BCOR: variants seen among roughly 807,000 people sequenced by gnomAD.
The protein encoded by BCOR is BCL-6 corepressor.
In BCOR, 10 loss-of-function variants were observed where a neutral mutation model predicts 86.7. The ratio of observed to expected loss-of-function variants is 0.12; its 90% CI spans 0.07 to 0.20. The LOEUF (loss-of-function observed/expected upper bound fraction) is 0.20, where lower values mean the gene tolerates loss of function less well. Among genes scored for constraint, BCOR ranks in the 10% least tolerant of loss-of-function variants. The pLI is 1.00. For missense variants in BCOR, 1,259 were observed against 1,452.1 expected (o/e 0.87, Z 2.16); for synonymous variants, 611 against 609.0 (o/e 1.00, Z -0.05).
intron 1 of BCOR, among the ~76,000 whole-genome samples, chrX:40,161,444 C>T (rs769232487): frequency 6.5e-5 from 7 of 107,960 alleles, no homozygotes; most frequent in East Asian, 5.8e-4. Flanking sequence ...GTGATCCGCC[C>T]GCCTCGGCCT....
intron 1 of BCOR, among the ~76,000 whole-genome samples, chrX:40,139,497 ATT>A (rs750808544): frequency 5.3e-4 from 3 of 5,709 alleles, no homozygotes; most frequent in Non-Finnish European, 3.1e-4. Flanking sequence ...ATATATATAT[ATT>A]TTTTTTTTTT....
At chrX:40,133,668 G>T (rs1342336969) in intron 1 of BCOR, among the ~76,000 whole-genome samples, 1 of 107,920 alleles carries the variant, frequency 9.3e-6, no homozygotes, top group Non-Finnish European at 1.9e-5. Context: ...CACTGTACTA[G>T]CCAGGATGGT....
chrX:40,078,986 TC>T (rs1266011767), intron 1 of BCOR, among the ~76,000 whole-genome samples: 2 of 112,004 alleles, frequency 1.8e-5, no homozygotes, highest in Non-Finnish European at 3.8e-5. Flanking sequence ...TTGAGCCGTT[TC>T]TTTTGACTGC....
At chrX:40,125,931 G>A (rs887555373) in intron 1 of BCOR, among the ~76,000 whole-genome samples, 1 of 111,318 alleles carries the variant, frequency 9.0e-6, no homozygotes, top group Non-Finnish European at 1.9e-5. Flanking sequence ...CTGGGAGTCG[G>A]CCAGGCGCGG....
chrX:40,165,903 G>A (rs1022312496), intron 1 of BCOR, among the ~76,000 whole-genome samples: 1 of 111,531 alleles, frequency 9.0e-6, no homozygotes, highest in Non-Finnish European at 1.9e-5. Context: ...TCTGCCTCCC[G>A]AGTAGCTAGG....
intron 1 of BCOR, among the ~76,000 whole-genome samples, chrX:40,087,686 T>C (rs754329251): frequency 3.6e-5 from 4 of 111,838 alleles, no homozygotes; most frequent in Non-Finnish European, 7.5e-5. Context: ...ACCCATCTGA[T>C]GAGATTTCTC....
In BCOR at chrX:40,064,509, T is replaced by A. The variant is rs1196307509; in HGVS notation, c.3329A>T (p.Gln1110Leu). 1 of 1,212,320 alleles carries A rather than the reference T, an allele frequency of 8.2e-7. No homozygotes were observed. Among genetic ancestry groups the A allele is most frequent in the South Asian group, 1.8e-5 (1 of 57,029 alleles). ...GTCTGCGGGAGGCTCGCTCACAGGC[T>A]GCCTCTCCACAAAGTACTTCTCCAC... is the stretch of plus-strand genomic sequence containing the variant. ...LPVEKYFVERQPVSEPPADQV... is the reference protein window; with the variant it reads ...LPVEKYFVERLPVSEPPADQV... Residue 1110 changes from glutamine to leucine, a missense_variant, in exon 7 of 15, where the codon CAG becomes CTG. Gln to Leu is a moderately radical substitution (Grantham distance 113). This residue lies in a region of BCOR where 305 missense variants were observed against 286.1 expected (regional missense o/e 1.07). Coordinates refer to ENST00000378444, the MANE Select transcript of BCOR (RefSeq NM_001123385.2).
intron 1 of BCOR, among the ~76,000 whole-genome samples, chrX:40,132,673 G>A (rs1204590782): frequency 1.8e-5 from 2 of 112,385 alleles, no homozygotes; most frequent in Non-Finnish European, 3.8e-5. Context: ...AAACTGAGGT[G>A]CAGAGGGGCT....
intron 11 of BCOR, among the ~76,000 whole-genome samples, chrX:40,056,492 T>C (rs1180615825): frequency 9.9e-5 from 11 of 111,044 alleles, no homozygotes; most frequent in Non-Finnish European, 1.9e-4. Context: ...CCTGTGTCCA[T>C]GGAGCTGGGG....
intron 8 of BCOR, 53 bp downstream of exon 8, chrX:40,063,555 A>G (rs1197544433): frequency 9.6e-7 from 1 of 1,038,935 alleles, no homozygotes; most frequent in African/African-American, 1.9e-5. Flanking sequence ...CAGAGAGTGG[A>G]TGACCCACCC....
chrX:40,110,526 G>T (rs1937282153), intron 1 of BCOR, among the ~76,000 whole-genome samples: 2 of 108,945 alleles, frequency 1.8e-5, no homozygotes, highest in South Asian at 7.9e-4. Flanking sequence ...CTAGCTTCCT[G>T]TCTTATCAGG....
intron 4 of BCOR, 47 bp downstream of exon 4, chrX:40,072,302 A>G (rs750776934): frequency 8.6e-7 from 1 of 1,166,626 alleles, no homozygotes; most frequent in South Asian, 1.9e-5. Context: ...ACACATTAAA[A>G]AACTGACAAC....
intron 1 of BCOR, among the ~76,000 whole-genome samples, chrX:40,120,642 C>T (rs767990226): frequency 8.9e-6 from 1 of 111,803 alleles, no homozygotes; most frequent in South Asian, 3.7e-4. Flanking sequence ...CAACCACACC[C>T]GCAAATAACC....
chrX:40,083,014 G>A (rs1426741585), intron 1 of BCOR, among the ~76,000 whole-genome samples: 2 of 109,333 alleles, frequency 1.8e-5, no homozygotes, highest in Admixed American at 9.6e-5. Flanking sequence ...AGCCCTTCCT[G>A]GGGTTGCTCC....
At chrX:40,100,711 A>C (rs1278454254), upstream of BCOR, among the ~76,000 whole-genome samples, 2 of 109,636 alleles carry the variant, frequency 1.8e-5, no homozygotes, top group African/African-American at 6.6e-5. Context: ...AAAAAAAAAA[A>C]AGAAAAGAAA....
At chrX:40,118,709 C>A (rs1252542052) in intron 1 of BCOR, among the ~76,000 whole-genome samples, 1 of 112,427 alleles carries the variant, frequency 8.9e-6, no homozygotes, top group East Asian at 2.8e-4. Flanking sequence ...CCAATGCTGT[C>A]CTCTGCCCCA....
rs371897880 is a variant in BCOR, at chrX:40,064,507, G to A, written c.3331C>T (p.Pro1111Ser). Residue 1111 changes from proline (P) to serine (S), a missense_variant, in exon 7 of 15, where the codon CCT (proline) becomes TCT (serine). Around this residue, in one of 7 missense-constraint regions of BCOR, gnomAD observed 305 missense variants for 286.1 expected, o/e 1.07. Transcript: ENST00000378444. ...PVEKYFVERQ[P>S]VSEPPADQVA... ...TGGTCTGCGGGAGGCTCGCTCACAGGCTGCCTCTCCACAAAGTACTTCTCC... is the reference window on the plus strand; with the variant it reads ...TGGTCTGCGGGAGGCTCGCTCACAGACTGCCTCTCCACAAAGTACTTCTCC... The A allele has an allele frequency of 1.0e-4, 124 of 1,210,903 alleles. No homozygotes were observed. Among genetic ancestry groups the A allele is most frequent in the Middle Eastern group, 2.3e-4 (1 of 4,373 alleles).
intron 1 of BCOR, among the ~76,000 whole-genome samples, chrX:40,124,243 G>A (rs1937518992): frequency 9.0e-6 from 1 of 110,526 alleles, no homozygotes; most frequent in African/African-American, 3.3e-5. Flanking sequence ...CAACCAGCCT[G>A]GGAAACATAG....
chrX:40,162,133 T>C (rs185869452), intron 1 of BCOR, among the ~76,000 whole-genome samples: 7 of 112,159 alleles, frequency 6.2e-5, no homozygotes, highest in Admixed American at 5.7e-4. Context: ...AGTCTTAGGC[T>C]GATCCAGTGT....
Sources: allele counts gnomAD v4.1 joint callset (sites outside exome capture counted in the v4.1 genomes callset), GRCh38; gene constraint gnomAD v4.1.1; regional missense constraint gnomAD v4.1.1; transcripts MANE v1.5; gene names NCBI Gene and HGNC (gene_info 2026-07-23, HGNC 2026-07-21).